DNAH17: variants seen among roughly 807,000 people sequenced by gnomAD.
The protein encoded by DNAH17 is axonemal beta dynein heavy chain 17.
DNAH17 carries 376 observed loss-of-function variants against 485.6 expected under a neutral mutation model. That is an observed-to-expected ratio of 0.77 (90% CI 0.71 to 0.84). The LOEUF is 0.84. Among genes scored for constraint, DNAH17 ranks in the 40% least tolerant of loss-of-function variants. The pLI is 0.00. For synonymous variants in DNAH17, 3,031 were observed against 2,405.9 expected (o/e 1.26, Z -7.60); for missense variants, 6,370 against 5,839.3 (o/e 1.09, Z -2.96).
At chr17:78,562,255 G>A (rs577733558) in intron 11 of DNAH17, among the ~76,000 whole-genome samples, 1 of 151,994 alleles carries the variant, frequency 6.6e-6, no homozygotes, top group Non-Finnish European at 1.5e-5. Flanking sequence ...TCTAAGCCTA[G>A]GAAAAATCAG....
intron 34 of DNAH17, 80 bp downstream of exon 34, chr17:78,501,662 T>A: frequency 6.5e-7 from 1 of 1,528,230 alleles, no homozygotes; most frequent in South Asian, 1.2e-5. Context: ...AGTGGCAGGG[T>A]CTGAAGTCCC....
Position 78,425,504 on chromosome 17 carries a change from G to GGGTTGAAGAAGCCGGCC in DNAH17, c.12966_12982dup (p.Pro4328ArgfsTer35), listed in dbSNP as rs1204673156. ...CATGATGGCCGTGAGGAACGACTGG[G>GGGTTGAAGAAGCCGGCC]GGTTGAAGAAGCCGGCCAGCCACAC... On this transcript the variant is annotated frameshift_variant, in exon 80 of 81. Transcript: ENST00000389840. LOFTEE classifies it high-confidence loss of function. The GGGTTGAAGAAGCCGGCC allele has an allele frequency of 1.2e-6, 2 of 1,613,848 alleles. No individual in the cohort carries two copies. The highest frequency in any genetic ancestry group is 1.7e-6 in the Non-Finnish European group (2 of 1,179,928).
chr17:78,505,375 T>A lies in DNAH17; in HGVS notation c.4874A>T (p.Lys1625Ile). 2.5e-6 allele frequency: 4 copies of A among 1,613,974 alleles called. No individual in the cohort carries two copies. The highest frequency in any genetic ancestry group is 3.4e-6 in the Non-Finnish European group (4 of 1,179,880). ...KLKFRLDASD[K>I]PLKVGLGMYS... Reference sequence around the variant, plus strand: ...CATTCCCAGGCCCACCTTGAGAGGTTTGTCACTGGCATCGAGCCGGAACTT... The same window carrying A: ...CATTCCCAGGCCCACCTTGAGAGGTATGTCACTGGCATCGAGCCGGAACTT... Residue 1625 changes from lysine (K) to isoleucine (I), a missense_variant, in exon 31 of 81, where the codon AAA becomes ATA. Lys to Ile is a moderately radical substitution (Grantham distance 102). Transcript: ENST00000389840.
chr17:78,505,004 C>A (rs778376648), intron 31 of DNAH17, among the ~76,000 whole-genome samples: 20 of 141,392 alleles, frequency 1.4e-4, no homozygotes, highest in Non-Finnish European at 2.3e-4. Context: ...CTCCCGGGTT[C>A]AAGCGATTCT....
intron 58 of DNAH17, among the ~76,000 whole-genome samples, 177 bp downstream of exon 58, chr17:78,461,367 G>A (rs946654033): frequency 6.6e-6 from 1 of 152,274 alleles, no homozygotes; most frequent in South Asian, 2.1e-4. Context: ...TTCTGAGCGG[G>A]GGCCCTCCCC....
chr17:78,482,174 C>T (rs1391481449), intron 48 of DNAH17, among the ~76,000 whole-genome samples: 5 of 147,668 alleles, frequency 3.4e-5, no homozygotes, highest in Non-Finnish European at 3.0e-5. Flanking sequence ...CTCCTGGGCT[C>T]AAGCTGTCCT....
intron 11 of DNAH17, among the ~76,000 whole-genome samples, chr17:78,565,745 G>A (rs1373241856): frequency 6.6e-6 from 1 of 152,180 alleles, no homozygotes; most frequent in African/African-American, 2.4e-5. Context: ...CCTGAGGTCA[G>A]GAGTTCGAGA....
chr17:78,474,401 A>G (rs1427946631), intron 54 of DNAH17, among the ~76,000 whole-genome samples: 3 of 152,254 alleles, frequency 2.0e-5, no homozygotes, highest in Non-Finnish European at 4.4e-5. Context: ...TTCAGGAACA[A>G]GAAATCAATA....
chr17:78,431,026 A>ACT (rs149256801), intron 75 of DNAH17, among the ~76,000 whole-genome samples: 24,163 of 151,252 alleles, frequency 0.16, 2,041 homozygotes, highest in Middle Eastern at 0.21. Context: ...GCCTACAGTC[A>ACT]CACCACCATG....
At chr17:78,525,626 G>A (rs531886272) in intron 24 of DNAH17, among the ~76,000 whole-genome samples, 19 of 152,362 alleles carry the variant, frequency 1.2e-4, no homozygotes, top group Admixed American at 5.2e-4. Context: ...GTGTGTTTGC[G>A]TGGACACGTA....
chr17:78,480,573 A>C (rs1164908917), intron 49 of DNAH17, 111 bp downstream of exon 49: 2 of 838,828 alleles, frequency 2.4e-6, no homozygotes, highest in Admixed American at 3.6e-5. Flanking sequence ...GTTCTCCAGA[A>C]AATGTCGGCC....
intron 63 of DNAH17, among the ~76,000 whole-genome samples, chr17:78,455,259 T>C (rs2087740053): frequency 6.6e-6 from 1 of 151,520 alleles, no homozygotes; most frequent in Non-Finnish European, 1.5e-5. Flanking sequence ...ATCACGGAAG[T>C]CAAGGTGCCA....
Position 78,484,923 on chromosome 17 carries a change from A to G in DNAH17, c.7594T>C (p.Tyr2532His). 6.2e-7 allele frequency: 1 copy of G among 1,604,956 alleles called. No homozygotes were observed. The highest frequency in any genetic ancestry group is 8.5e-7 in the Non-Finnish European group (1 of 1,175,496). The change falls in exon 48 of 81, where the codon TAT (tyrosine) becomes CAT (histidine). Residue 2532 changes from tyrosine to histidine, a missense_variant. Tyr to His is a moderately conservative substitution (Grantham distance 83). Coordinates refer to ENST00000389840, the MANE Select transcript of DNAH17 (RefSeq NM_173628.4). ...DDMNMPEVDK[Y>H]GTVAPHTLIR... The stretch of plus-strand genomic sequence containing the variant: ...AGGGTGTGCGGGGCCACCGTCCCAT[A>G]CTTGTCCACCTCGGGCATGTTCATG...
intron 41 of DNAH17, 106 bp downstream of exon 41, chr17:78,493,930 G>C: frequency 2.8e-6 from 4 of 1,447,860 alleles, no homozygotes; most frequent in Non-Finnish European, 2.8e-6. Context: ...GGATGTACTG[G>C]GTTGGGGTCT....
At chr17:78,571,150 G>A (rs1406683695) in intron 5 of DNAH17, 117 bp from the exon 6 acceptor site, 3 of 1,278,428 alleles carry the variant, frequency 2.3e-6, no homozygotes, top group African/African-American at 3.0e-5. Flanking sequence ...CCTTTCTCAA[G>A]TGGAGGGGGC....
At chr17:78,529,777 C>T (rs1402489676) in intron 21 of DNAH17, 83 bp from the exon 22 acceptor site, 23 of 1,421,332 alleles carry the variant, frequency 1.6e-5, no homozygotes, top group Admixed American at 6.2e-5. Context: ...GAGAGGGGGA[C>T]GACCGCGGTG....
At chr17:78,432,719 T>G (rs1162033185) in intron 75 of DNAH17, among the ~76,000 whole-genome samples, 1 of 152,062 alleles carries the variant, frequency 6.6e-6, no homozygotes, top group Non-Finnish European at 1.5e-5. Flanking sequence ...GTGGCCCAGG[T>G]CTTGAGCTTT....
chr17:78,425,803 T>G (rs1253463972), intron 79 of DNAH17, among the ~76,000 whole-genome samples: 1 of 143,490 alleles, frequency 7.0e-6, no homozygotes, highest in Non-Finnish European at 1.5e-5. Context: ...TATCGCTCTG[T>G]CACCCAGGCT....
chr17:78,528,951 T>TA (rs2091152525), intron 22 of DNAH17, among the ~76,000 whole-genome samples: 1 of 22,590 alleles, frequency 4.4e-5, no homozygotes, highest in Admixed American at 3.9e-4. Flanking sequence ...GCATTTTGTA[T>TA]TTTTTTTTTT....
Sources: allele counts gnomAD v4.1 joint callset (sites outside exome capture counted in the v4.1 genomes callset), GRCh38; gene constraint gnomAD v4.1.1; transcripts MANE v1.5; gene names NCBI Gene and HGNC (gene_info 2026-07-23, HGNC 2026-07-21).